NCEH1: variants seen among roughly 807,000 people sequenced by gnomAD.
NCEH1 encodes neutral cholesterol ester hydrolase 1.
In NCEH1, 9 loss-of-function variants were observed where a neutral mutation model predicts 25.4. The observed-to-expected ratio is 0.35, with a 90% CI of 0.21 to 0.62. The LOEUF (loss-of-function observed/expected upper bound fraction) is 0.62, where lower values mean the gene tolerates loss of function less well. Ranked by LOEUF, NCEH1 falls within the 20% of genes least tolerant of loss-of-function variation. The pLI, the probability that NCEH1 is intolerant of heterozygous loss-of-function variation, is 0.72. For synonymous variants in NCEH1, 200 were observed against 199.8 expected (o/e 1.00, Z -0.01); for missense variants, 412 against 501.1 (o/e 0.82, Z 1.70).
At chr3:172,634,212 T>C in intron 4 of NCEH1, 120 bp from the exon 5 acceptor site, 1 of 927,656 alleles carries the variant, frequency 1.1e-6, no homozygotes. Flanking sequence ...GTGTTACATT[T>C]CTACCAGGCA....
intron 1 of NCEH1, among the ~76,000 whole-genome samples, chr3:172,662,120 CTTA>C (rs1427572175): frequency 2.6e-5 from 4 of 151,904 alleles, no homozygotes; most frequent in Admixed American, 2.0e-4. Context: ...ATACATAGCT[CTTA>C]TTATTTTGAG....
chr3:172,706,659 C>T lies in NCEH1; in HGVS notation c.138+4188G>A, dbSNP rs531909973. Among the ~76,000 whole-genome samples, 5 of 151,872 alleles carry T rather than the reference C, an allele frequency of 3.3e-5. No individual in the cohort carries two copies. In the East Asian group the frequency reaches 7.7e-4, roughly 24 times the overall value. On this transcript the variant is annotated intron_variant, in intron 1 of 4. Transcript: ENST00000475381. ...AATTACAGGCGCGCACCACTGCACC[C>T]GGCTAATTTTTTGTATTTTTTAGTA...
intron 1 of NCEH1, among the ~76,000 whole-genome samples, chr3:172,684,449 C>G (rs1177643956): frequency 3.3e-5 from 5 of 152,016 alleles, no homozygotes; most frequent in East Asian, 3.9e-4. Context: ...GGAAATGGCT[C>G]ACTAAAGTGC....
Position 172,633,208 on chromosome 3 carries a change from G to A in NCEH1, c.*267C>T. ...GTTCCTAGTCCTGCTTTCTGTAGCT[G>A]TAGGTATCAGTATAGTTGGCTAAGA... On this transcript the variant is annotated 3_prime_UTR_variant, in exon 5 of 5. Transcript: ENST00000475381. 1 of 404,886 alleles carries A rather than the reference G, an allele frequency of 2.5e-6. No homozygotes were observed. The highest frequency in any genetic ancestry group is 4.7e-5 in the East Asian group (1 of 21,064). The allele number at this position is 404,886 out of a possible 1,614,324, so 25.1% of individuals were successfully genotyped here.
intron 1 of NCEH1, among the ~76,000 whole-genome samples, chr3:172,649,729 T>C (rs574544324): frequency 1.3e-5 from 2 of 152,340 alleles, no homozygotes; most frequent in East Asian, 3.9e-4. Flanking sequence ...AGAGTAGATA[T>C]AATAAACCCT....
chr3:172,699,166 G>C (rs1315645005), intron 1 of NCEH1, among the ~76,000 whole-genome samples: 5 of 152,132 alleles, frequency 3.3e-5, no homozygotes, highest in African/African-American at 1.2e-4. Flanking sequence ...GTTCTCAAAA[G>C]AGATGATTTC....
chr3:172,702,862 C>T (rs1193761897), intron 1 of NCEH1, among the ~76,000 whole-genome samples: 1 of 152,022 alleles, frequency 6.6e-6, no homozygotes, highest in Non-Finnish European at 1.5e-5. Context: ...CATGGTGGCA[C>T]GCGCCTGTAG....
Position 172,683,397 on chromosome 3 carries a change from C to T in NCEH1, c.138+27450G>A, listed in dbSNP as rs1281848172. ...CAGCCTGGGCGACAGAGCGAGACTC[C>T]GTCTCAAAAAAAAAAAAAAAAAAAA... On this transcript the variant is annotated intron_variant, in intron 1 of 4. Transcript: ENST00000475381. 8.8e-5 allele frequency among the ~76,000 whole-genome samples: 11 copies of T among 125,212 alleles called. 1 individual carries two copies. The highest frequency in any genetic ancestry group is 1.4e-4 in the Non-Finnish European group (9 of 62,252). The allele number at this position is 125,212 out of a possible 152,430, so 82.1% of individuals were successfully genotyped here.
At chr3:172,649,473 C>T (rs1364621176) in intron 1 of NCEH1, among the ~76,000 whole-genome samples, 3 of 152,172 alleles carry the variant, frequency 2.0e-5, no homozygotes, top group African/African-American at 7.2e-5. Flanking sequence ...GCCCTGACAT[C>T]AACTGCCCAA....
chr3:172,643,139 T>G (rs1210389056), intron 3 of NCEH1, among the ~76,000 whole-genome samples: 2 of 151,972 alleles, frequency 1.3e-5, no homozygotes, highest in African/African-American at 4.8e-5. Context: ...GGTTTCTCCA[T>G]GTTGTTGATC....
intron 1 of NCEH1, among the ~76,000 whole-genome samples, chr3:172,706,365 C>T (rs1713985585): frequency 1.3e-5 from 2 of 152,056 alleles, no homozygotes; most frequent in African/African-American, 2.4e-5. Context: ...TATTTTGTAG[C>T]CTTTTCCTGC....
rs910148120 is a variant in NCEH1, at chr3:172,698,940, G to A, written c.138+11907C>T. On this transcript the variant is annotated intron_variant, in intron 1 of 4. Coordinates refer to ENST00000475381, the MANE Select transcript of NCEH1 (RefSeq NM_020792.6). ...CTAATTTCTCTTTAGTCTCTCTATC[G>A]TGAATGGTCTTCAAACAAAAATAAA... 3.9e-5 allele frequency among the ~76,000 whole-genome samples: 6 copies of A among 152,154 alleles called. No individual in the cohort carries two copies. In the East Asian group the frequency reaches 5.8e-4, roughly 15 times the overall value.
At chr3:172,708,609 G>A (rs868089643) in intron 1 of NCEH1, among the ~76,000 whole-genome samples, 2 of 152,086 alleles carry the variant, frequency 1.3e-5, no homozygotes, top group Admixed American at 6.6e-5. Flanking sequence ...CACCCGCCTC[G>A]GCCTCCCAAA....
At chr3:172,648,608 T>C (rs1162226871) in intron 1 of NCEH1, among the ~76,000 whole-genome samples, 2 of 152,212 alleles carry the variant, frequency 1.3e-5, no homozygotes, top group Non-Finnish European at 2.9e-5. Flanking sequence ...TTCTTTAAAT[T>C]GCTTTGTAAC....
At chr3:172,638,428 T>G (rs1006222110) in intron 3 of NCEH1, among the ~76,000 whole-genome samples, 2 of 151,462 alleles carry the variant, frequency 1.3e-5, no homozygotes, top group African/African-American at 4.9e-5. Flanking sequence ...TCACTATGTA[T>G]GAAAGCTGCT....
intron 1 of NCEH1, among the ~76,000 whole-genome samples, chr3:172,698,851 AC>A (rs1220646826): frequency 6.6e-6 from 1 of 152,274 alleles, no homozygotes; most frequent in African/African-American, 2.4e-5. Flanking sequence ...ACGTGGAAGC[AC>A]AGGGCCTGCC....
At chr3:172,647,788 T>C (rs1717187349) in intron 2 of NCEH1, 98 bp downstream of exon 2, 1 of 1,500,010 alleles carries the variant, frequency 6.7e-7, no homozygotes, top group Admixed American at 2.0e-5. Flanking sequence ...CCTAGATAAA[T>C]GGTCCCCTTC....
At chr3:172,677,519 A>C (rs1237801652) in intron 1 of NCEH1, among the ~76,000 whole-genome samples, 3 of 152,198 alleles carry the variant, frequency 2.0e-5, no homozygotes, top group African/African-American at 7.2e-5. Context: ...ACTCATCTGA[A>C]TGTCACAAGG....
At chr3:172,647,723 G>T in intron 2 of NCEH1, 163 bp downstream of exon 2, 1 of 819,044 alleles carries the variant, frequency 1.2e-6, no homozygotes, top group Non-Finnish European at 1.9e-6. Flanking sequence ...TGAAAAGGGG[G>T]CACTAGTCAT....
Sources: allele counts gnomAD v4.1 joint callset (sites outside exome capture counted in the v4.1 genomes callset), GRCh38; gene constraint gnomAD v4.1.1; transcripts MANE v1.5; gene names NCBI Gene and HGNC (gene_info 2026-07-23, HGNC 2026-07-21).